The following MDN1 variants were observed in gnomAD, a reference collection of about 807,000 sequenced individuals.
MDN1 encodes the protein midasin AAA ATPase 1.
Under a neutral mutation model 669.2 loss-of-function variants are expected in MDN1, and 266 were observed. The ratio of observed to expected loss-of-function variants is 0.40; its 90% CI spans 0.36 to 0.44. MDN1 has a LOEUF of 0.44. Among genes scored for constraint, MDN1 ranks in the 20% least tolerant of loss-of-function variants. The probability of loss-of-function intolerance (pLI) is 1.00; values close to 1 mark genes in which losing one functional copy is unlikely to be tolerated. For missense variants in MDN1, 5,940 were observed against 6,754.0 expected, an observed-to-expected ratio of 0.88 and a Z score of 4.22; for synonymous variants, 2,385 against 2,457.1, an observed-to-expected ratio of 0.97 and a Z score of 0.87.
rs1813501543 is a variant in MDN1, at chr6:89,706,183, C to T, written c.8024G>A (p.Ser2675Asn). Reference sequence around the variant, plus strand: ...AATTTCATGGGGCAGAGTGTGATAGCTTTCTGGATCTGAGAGTCAACATAA... The same window carrying T: ...AATTTCATGGGGCAGAGTGTGATAGTTTTCTGGATCTGAGAGTCAACATAA... ...MSFEFHQDPE[S>N]YHTLPHEIVV... The change falls in exon 53 of 102, where the codon AGC becomes AAC. Residue 2675 changes from serine to asparagine, a missense_variant. By Grantham distance (46) the Ser-to-Asn change is conservative (BLOSUM62 1). Coordinates refer to ENST00000369393, the MANE Select transcript of MDN1 (RefSeq NM_014611.3). 1.2e-6 allele frequency: 2 copies of T among 1,610,470 alleles called. No individual in the cohort carries two copies. Among genetic ancestry groups the T allele is most frequent in the Non-Finnish European group, 1.7e-6 (2 of 1,178,570 alleles).
At chr6:89,726,397 G>C (rs1201508336) in intron 37 of MDN1, among the ~76,000 whole-genome samples, 1 of 150,382 alleles carries the variant, frequency 6.6e-6, no homozygotes. Context: ...CTGGGAGGAG[G>C]AGGTTACAAT....
chr6:89,695,477 A>G lies in MDN1; in HGVS notation c.9771+128T>C. ...CTAAAACAGACTCCTGGGAAGTCAT[A>G]AGGCAACTTATGCAATATCATGCTT... On this transcript the variant is annotated intron_variant, in intron 61 of 101. Transcript: ENST00000369393. The surrounding 1 kb of genome is among the most constrained non-coding windows in gnomAD (Gnocchi z 4.1). 1 of 1,232,470 alleles carries G rather than the reference A, an allele frequency of 8.1e-7. No individual in the cohort carries two copies. Among genetic ancestry groups the G allele is most frequent in the Non-Finnish European group, 1.1e-6 (1 of 891,412 alleles). 76.3% of individuals were successfully genotyped at this position (1,232,470 alleles called of 1,614,324 possible).
At position 89,803,892 on chromosome 6, in the gene MDN1, T is replaced by TTC. The variant is rs34410358; in HGVS notation, c.103-339_103-338insGA. On this transcript the variant is annotated intron_variant, in intron 1 of 101. Coordinates refer to ENST00000369393, the MANE Select transcript of MDN1 (RefSeq NM_014611.3). The stretch of plus-strand genomic sequence containing the variant: ...CACCGCGCCCGGCCTTTTCTTTTCT[T>TTC]TTCTTTTTTTTTTTTTTTTTTTTTT... Among the ~76,000 whole-genome samples the TTC allele has an allele frequency of 1.5e-3, 37 of 23,874 alleles. 2 individuals are homozygous for TTC. The highest frequency in any genetic ancestry group is 3.3e-3 in the African/African-American group (17 of 5,228). 15.7% of individuals were successfully genotyped at this position (23,874 alleles called of 152,430 possible).
Position 89,695,447 on chromosome 6 carries a change from A to G in MDN1, c.9771+158T>C, listed in dbSNP as rs934994351. ...GGACAACTCTCAAAGGGGAAAATACAGTCTCTAAAACAGACTCCTGGGAAG... is the reference window on the plus strand; with the variant it reads ...GGACAACTCTCAAAGGGGAAAATACGGTCTCTAAAACAGACTCCTGGGAAG... On this transcript the variant is annotated intron_variant, in intron 61 of 101. Transcript: ENST00000369393. The surrounding 1 kb of genome is among the most constrained non-coding windows in gnomAD (Gnocchi z 4.1). 2.0e-5 allele frequency among the ~76,000 whole-genome samples: 3 copies of G among 152,180 alleles called. No individual in the cohort carries two copies. The highest frequency in any genetic ancestry group is 4.4e-5 in the Non-Finnish European group (3 of 68,038).
intron 55 of MDN1, among the ~76,000 whole-genome samples, chr6:89,701,138 G>GC (rs966720520): frequency 3.3e-5 from 5 of 152,286 alleles, no homozygotes; most frequent in Admixed American, 3.3e-4. Context: ...TGCGGGTTCC[G>GC]CATCAATTCA....
chr6:89,763,796 A>T (rs1817674227), intron 15 of MDN1, among the ~76,000 whole-genome samples: 1 of 152,198 alleles, frequency 6.6e-6, no homozygotes, highest in Non-Finnish European at 1.5e-5. Context: ...CCTGATACTG[A>T]GCATCTGAAT....
intron 50 of MDN1, 102 bp from the exon 51 acceptor site, chr6:89,708,730 T>G: frequency 8.0e-7 from 1 of 1,250,150 alleles, no homozygotes. Context: ...TTGAGCACAT[T>G]GAATCATGAT....
intron 73 of MDN1, 90 bp downstream of exon 73, chr6:89,683,042 T>G: frequency 7.8e-7 from 1 of 1,283,614 alleles, no homozygotes; most frequent in Non-Finnish European, 1.1e-6. Context: ...GGCATTTTCT[T>G]GTCTAGTACT....
chr6:89,719,343 T>G, intron 40 of MDN1, 118 bp from the exon 41 acceptor site: 1 of 740,458 alleles, frequency 1.4e-6, no homozygotes, highest in Non-Finnish European at 2.3e-6. Flanking sequence ...TGGCCACAAT[T>G]CCCTTATCCT....
chr6:89,732,186 CTTTG>C (rs766150643), intron 34 of MDN1, among the ~76,000 whole-genome samples: 30 of 151,790 alleles, frequency 2.0e-4, no homozygotes, highest in Non-Finnish European at 3.2e-4. Context: ...GCTAAAAACC[CTTTG>C]TTTAAGTGTT....
chr6:89,740,640 A>C (rs563109742), intron 31 of MDN1, among the ~76,000 whole-genome samples: 29 of 152,352 alleles, frequency 1.9e-4, no homozygotes, highest in African/African-American at 6.7e-4. Flanking sequence ...ACTTACAAGA[A>C]AACAAATAAA....
At chr6:89,698,593 G>A (rs1052802007) in intron 59 of MDN1, among the ~76,000 whole-genome samples, 2 of 152,132 alleles carry the variant, frequency 1.3e-5, no homozygotes, top group Non-Finnish European at 2.9e-5. Flanking sequence ...TATCTGCACT[G>A]TTTAAATGTT....
At chr6:89,759,056 C>G (rs6937789) in intron 17 of MDN1, 96 bp from the exon 18 acceptor site, 1,025,947 of 1,235,096 alleles carry the variant, frequency 0.83, 427,488 homozygotes, top group East Asian at 0.93. Flanking sequence ...AGAGGCGGGG[C>G]AAATCTTTCC....
chr6:89,809,040 A>C (rs1306625855), intron 1 of MDN1, among the ~76,000 whole-genome samples: 1 of 151,556 alleles, frequency 6.6e-6, no homozygotes, highest in Non-Finnish European at 1.5e-5. Context: ...AACATGCTGA[A>C]ACCCCATCTC....
chr6:89,749,666 C>G lies in MDN1; in HGVS notation c.3492G>C (p.Leu1164=). 1.9e-6 allele frequency: 3 copies of G among 1,614,120 alleles called. No homozygotes were observed. Among genetic ancestry groups the G allele is most frequent in the Non-Finnish European group, 2.5e-6 (3 of 1,179,982 alleles). Residue 1164 remains leucine, a synonymous_variant, in exon 25 of 102, where the codon CTG becomes CTC. Transcript: ENST00000369393. ...CACGGTTATCATCCAACAGCCTATT[C>G]AGCGCCTCTAACACATCAGTAGGGG... The part of the protein sequence containing the change: ...NLAPTDVLEA[L]NRLLDDNREL...
At chr6:89,814,599 C>T (rs1768680693) in intron 1 of MDN1, 3 of 173,670 alleles carry the variant, frequency 1.7e-5, no homozygotes. Flanking sequence ...AAACATTTAA[C>T]ATTTACAGTG....
intron 36 of MDN1, among the ~76,000 whole-genome samples, chr6:89,728,334 C>A (rs983546309): frequency 1.3e-5 from 2 of 152,040 alleles, no homozygotes; most frequent in Admixed American, 1.3e-4. Context: ...TTTATTTCTA[C>A]CACTTTTTAA....
At chr6:89,670,425 G>A (rs749950809) in intron 83 of MDN1, among the ~76,000 whole-genome samples, 6 of 151,600 alleles carry the variant, frequency 4.0e-5, no homozygotes, top group South Asian at 4.2e-4. Context: ...TGATCCACCC[G>A]CCTCAGCCTC....
At position 89,804,241 on chromosome 6, in the gene MDN1, A is replaced by G. The variant is rs529058097; in HGVS notation, c.103-687T>C. ...ATTTATGTAAATAATATTCATTTGC[A>G]CTGCTGTAGAAAAGCAGAGACGAGT... On this transcript the variant is annotated intron_variant, in intron 1 of 101. Transcript: ENST00000369393. Among the ~76,000 whole-genome samples, 4 of 152,140 alleles carry G rather than the reference A, an allele frequency of 2.6e-5. No homozygotes were observed. The East Asian group carries it at 5.8e-4, about 22-fold the overall frequency.
Sources: allele counts gnomAD v4.1 joint callset (sites outside exome capture counted in the v4.1 genomes callset), GRCh38; gene constraint gnomAD v4.1.1; non-coding constraint Gnocchi (gnomAD v3.1); transcripts MANE v1.5; gene names NCBI Gene and HGNC (gene_info 2026-07-23, HGNC 2026-07-21).